The following FIG4 variants were observed in gnomAD, a reference collection of about 807,000 sequenced individuals.
FIG4 encodes polyphosphoinositide phosphatase.
A neutral mutation model predicts 118.6 loss-of-function variants in FIG4; 112 were observed. The observed-to-expected ratio is 0.94, with a 90% confidence interval of 0.81 to 1.11. The LOEUF (loss-of-function observed/expected upper bound fraction) is 1.11, where lower values mean the gene tolerates loss of function less well. FIG4 is among the 50% of genes least tolerant of loss of function. The pLI is 0.00. For synonymous variants in FIG4, 369 were observed against 381.2 expected, an observed-to-expected ratio of 0.97 and a Z score of 0.37; for missense variants, 969 against 1,111.7, an observed-to-expected ratio of 0.87 and a Z score of 1.83.
chr6:109,812,774 G>C (rs1405524055), intron 22 of FIG4, among the ~76,000 whole-genome samples: 1 of 152,068 alleles, frequency 6.6e-6, no homozygotes, highest in Non-Finnish European at 1.5e-5. Flanking sequence ...TACTATAAAG[G>C]GGTGCAGAGG....
At chr6:109,693,369 G>T (rs2128376699) in intron 1 of FIG4, among the ~76,000 whole-genome samples, 1 of 152,082 alleles carries the variant, frequency 6.6e-6, no homozygotes, top group South Asian at 2.1e-4. Context: ...TCAAAACCTT[G>T]CTGATCCTCA....
At chr6:109,774,359 G>A (rs1285473169) in intron 15 of FIG4, among the ~76,000 whole-genome samples, 1 of 152,018 alleles carries the variant, frequency 6.6e-6, no homozygotes, top group Non-Finnish European at 1.5e-5. Context: ...CTCTATCTTT[G>A]AGAAGCATCA....
intron 1 of FIG4, among the ~76,000 whole-genome samples, chr6:109,707,872 T>G (rs1379926273): frequency 7.9e-5 from 12 of 152,186 alleles, no homozygotes; most frequent in African/African-American, 2.9e-4. Flanking sequence ...TTTTTGCTAA[T>G]GAAGTACTTA....
chr6:109,737,460 C>G (rs1470246045), intron 6 of FIG4, among the ~76,000 whole-genome samples: 1 of 152,024 alleles, frequency 6.6e-6, no homozygotes, highest in African/African-American at 2.4e-5. Flanking sequence ...ATTATTAATT[C>G]TCTCGTGTAA....
At chr6:109,811,718 G>A (rs183024106) in intron 22 of FIG4, among the ~76,000 whole-genome samples, 41 of 152,284 alleles carry the variant, frequency 2.7e-4, no homozygotes, top group African/African-American at 9.4e-4. Flanking sequence ...AGAACACAAA[G>A]CAGGGGAATG....
rs73535347 is a variant in FIG4, at chr6:109,716,848, A to G, written c.289+280A>G. Among the ~76,000 whole-genome samples, 1,247 of 152,300 alleles carry G rather than the reference A, an allele frequency of 8.2e-3. 25 individuals are homozygous for G. The highest frequency in any genetic ancestry group is 0.027 in the African/African-American group (1,105 of 41,566). ...TTGCTGTCTGTCTCATTGATGAATG[A>G]AAAAGTAAAAATTAGCTTGGACTGG... On this transcript the variant is annotated intron_variant, in intron 3 of 22. Transcript: ENST00000230124.
intron 4 of FIG4, among the ~76,000 whole-genome samples, chr6:109,727,845 TC>T (rs1391647281): frequency 6.6e-6 from 1 of 152,110 alleles, no homozygotes; most frequent in Non-Finnish European, 1.5e-5. Context: ...CCACTGGACT[TC>T]CTGCAAGATA....
At chr6:109,756,640 T>C (rs935954094) in intron 10 of FIG4, among the ~76,000 whole-genome samples, 11 of 152,190 alleles carry the variant, frequency 7.2e-5, no homozygotes, top group African/African-American at 2.7e-4. Flanking sequence ...CGTTTCTTTT[T>C]ATTCTTTTTT....
At chr6:109,818,422 A>G (rs1778919896) in intron 22 of FIG4, among the ~76,000 whole-genome samples, 1 of 151,776 alleles carries the variant, frequency 6.6e-6, no homozygotes. Flanking sequence ...CTGGTCTCGA[A>G]CTCCCGACCT....
intron 3 of FIG4, among the ~76,000 whole-genome samples, chr6:109,722,860 A>G (rs1462717496): frequency 6.6e-6 from 1 of 152,118 alleles, no homozygotes; most frequent in African/African-American, 2.4e-5. Flanking sequence ...AGCTTTTACA[A>G]CACAGAGTTG....
chr6:109,695,601 G>GAC (rs202167631), intron 1 of FIG4, among the ~76,000 whole-genome samples: 5,013 of 99,272 alleles, frequency 0.05, 202 homozygotes, highest in East Asian at 0.16. Context: ...CACACACACA[G>GAC]ACACACACAC....
chr6:109,786,138 C>T, intron 17 of FIG4, 164 bp from the exon 18 acceptor site: 1 of 624,572 alleles, frequency 1.6e-6, no homozygotes, highest in Non-Finnish European at 2.8e-6. Flanking sequence ...TATCTCATCT[C>T]CTTTCTAACT....
At chr6:109,741,603 T>G in intron 8 of FIG4, 59 bp downstream of exon 8, 1 of 1,068,246 alleles carries the variant, frequency 9.4e-7, no homozygotes, top group South Asian at 1.2e-5. Flanking sequence ...GCTTTGCTGA[T>G]GTAGAAGCAC....
Position 109,816,905 on chromosome 6 carries a change from C to T in FIG4, c.2547-8183C>T, listed in dbSNP as rs567747068. 3.3e-5 allele frequency among the ~76,000 whole-genome samples: 5 copies of T among 152,226 alleles called. No individual in the cohort carries two copies. In the South Asian group the frequency reaches 6.2e-4, roughly 19 times the overall value. On this transcript the variant is annotated intron_variant, in intron 22 of 22. Transcript: ENST00000230124. ...ACCTCCATGTGGGAGATAAGACACA[C>T]GCCATTACTGCAATCCATTGGTCTG...
Position 109,792,595 on chromosome 6 carries a change from C to A in FIG4, c.2390C>A (p.Pro797His). Residue 797 changes from proline (P) to histidine (H), a missense_variant, in exon 21 of 23, where the codon CCC becomes CAC. Pro to His is a moderately conservative substitution (Grantham distance 77). Coordinates refer to ENST00000230124, the MANE Select transcript of FIG4 (RefSeq NM_014845.6). ...TTTAAACCCCAGAATGTGGTCCAACCCATGAAGGAGCTATATGGAATTAAC... is the reference window on the plus strand; with the variant it reads ...TTTAAACCCCAGAATGTGGTCCAACACATGAAGGAGCTATATGGAATTAAC... ...SAKVTENVVQ[P>H]MKELYGINLS... 6.2e-7 allele frequency: 1 copy of A among 1,600,606 alleles called. No homozygotes were observed. Among genetic ancestry groups the A allele is most frequent in the Non-Finnish European group, 8.6e-7 (1 of 1,168,642 alleles).
chr6:109,707,291 ATG>A (rs372863956), intron 1 of FIG4, among the ~76,000 whole-genome samples: 235 of 145,448 alleles, frequency 1.6e-3, no homozygotes, highest in African/African-American at 4.3e-3. Context: ...ATATATATAT[ATG>A]TGTGTGTGTG....
intron 1 of FIG4, among the ~76,000 whole-genome samples, chr6:109,705,999 A>G (rs1473487502): frequency 6.6e-6 from 1 of 152,232 alleles, no homozygotes; most frequent in African/African-American, 2.4e-5. Context: ...TTAGAAAATT[A>G]CCCAGCACAT....
intron 10 of FIG4, among the ~76,000 whole-genome samples, chr6:109,753,739 C>CT (rs771816465): frequency 3.5e-4 from 53 of 151,716 alleles, no homozygotes; most frequent in African/African-American, 1.2e-3. Flanking sequence ...ATTTGGCTCT[C>CT]TGTCTGTTAT....
chr6:109,720,974 CTA>C lies in FIG4; in HGVS notation c.289+4409_289+4410del, dbSNP rs769516970. Among the ~76,000 whole-genome samples, 11 of 152,276 alleles carry C rather than the reference CTA, an allele frequency of 7.2e-5. No homozygotes were observed. In the South Asian group the frequency reaches 2.1e-3, roughly 29 times the overall value. On this transcript the variant is annotated intron_variant, in intron 3 of 22. Transcript: ENST00000230124. ...TCCTAGGGCACATGAATGGAATGAC[CTA>C]TAGTTCATACTACTCAGTTCTGTTA... is the stretch of plus-strand genomic sequence containing the variant.
Sources: gnomAD v4.1 joint callset for allele counts (sites outside exome capture counted in the v4.1 genomes callset) on GRCh38, gnomAD v4.1.1 for gene constraint, MANE v1.5 for transcripts, NCBI Gene and HGNC (gene_info 2026-07-23, HGNC 2026-07-21) for gene names.